Variants in ZNF804A observed in about 807,000 individuals in gnomAD.
ZNF804A encodes the protein zinc finger protein 804A.
ZNF804A carries 2 observed loss-of-function variants against 16.5 expected under a neutral mutation model. The ratio of observed to expected loss-of-function variants is 0.12; its 90% CI spans 0.05 to 0.38. The LOEUF (loss-of-function observed/expected upper bound fraction) is 0.38, where lower values mean the gene tolerates loss of function less well. ZNF804A is among the 10% of genes least tolerant of loss of function. The pLI is 0.99. For missense variants in ZNF804A, 1,473 were observed against 1,390.7 expected (o/e 1.06, Z -0.94); for synonymous variants, 534 against 489.6 (o/e 1.09, Z -1.20).
intron 1 of ZNF804A, among the ~76,000 whole-genome samples, chr2:184,670,039 A>G (rs1172492130): frequency 1.3e-5 from 2 of 152,142 alleles, no homozygotes; most frequent in Admixed American, 6.5e-5. Context: ...ATGATAGCTT[A>G]GCAGTGTTAA....
chr2:184,817,758 C>T (rs1346458589), intron 1 of ZNF804A, among the ~76,000 whole-genome samples: 1 of 151,978 alleles, frequency 6.6e-6, no homozygotes, highest in African/African-American at 2.4e-5. Flanking sequence ...ATTCACAATA[C>T]AGTCACAGGT....
intron 1 of ZNF804A, among the ~76,000 whole-genome samples, chr2:184,749,680 A>T (rs1465352666): frequency 6.6e-6 from 1 of 151,258 alleles, no homozygotes; most frequent in Non-Finnish European, 1.5e-5. Flanking sequence ...ATGATTCATT[A>T]TTTATTTTTG....
At chr2:184,862,914 T>C (rs1174831732) in intron 1 of ZNF804A, among the ~76,000 whole-genome samples, 2 of 152,152 alleles carry the variant, frequency 1.3e-5, no homozygotes, top group East Asian at 3.9e-4. Flanking sequence ...TCTACTGTTT[T>C]TGTTTCTTTG....
intron 1 of ZNF804A, among the ~76,000 whole-genome samples, chr2:184,864,117 T>C (rs765056102): frequency 4.0e-4 from 61 of 152,132 alleles, no homozygotes; most frequent in Non-Finnish European, 7.1e-4. Context: ...ATTTGACTCA[T>C]GGTTCTGCAG....
chr2:184,939,318 C>G lies in ZNF804A; in HGVS notation c.*292C>G. On this transcript the variant is annotated 3_prime_UTR_variant, in exon 4 of 4. Coordinates refer to ENST00000302277, the MANE Select transcript of ZNF804A (RefSeq NM_194250.2). ...ATGTACATAAAATATATTTATAGTACTCTAATTTATGTTGTAAAGTATGCT... is the reference window on the plus strand; with the variant it reads ...ATGTACATAAAATATATTTATAGTAGTCTAATTTATGTTGTAAAGTATGCT... 4.5e-6 allele frequency: 1 copy of G among 222,474 alleles called. No individual in the cohort carries two copies. Among genetic ancestry groups the G allele is most frequent in the Non-Finnish European group, 8.8e-6 (1 of 113,522 alleles). 13.8% of individuals were successfully genotyped at this position (222,474 alleles called of 1,614,324 possible). A position where few individuals can be genotyped will look rare whatever the true frequency, so the allele number is the denominator to read the frequency against.
intron 1 of ZNF804A, among the ~76,000 whole-genome samples, chr2:184,857,684 G>A (rs1365300059): frequency 2.0e-5 from 3 of 151,826 alleles, no homozygotes; most frequent in East Asian, 3.9e-4. Flanking sequence ...TATTGTTATA[G>A]CCTCTACTAA....
At chr2:184,771,882 G>A (rs968933717) in intron 1 of ZNF804A, among the ~76,000 whole-genome samples, 2 of 151,918 alleles carry the variant, frequency 1.3e-5, no homozygotes, top group Admixed American at 1.3e-4. Context: ...TTGCTTTAGC[G>A]ATATAACATA....
At chr2:184,618,393 A>T (rs1691362156) in intron 1 of ZNF804A, among the ~76,000 whole-genome samples, 1 of 152,198 alleles carries the variant, frequency 6.6e-6, no homozygotes, top group South Asian at 2.1e-4. Flanking sequence ...AGTCAATTAG[A>T]TTATATACGC....
intron 2 of ZNF804A, among the ~76,000 whole-genome samples, chr2:184,894,271 A>C (rs1020556943): frequency 2.0e-5 from 3 of 152,156 alleles, no homozygotes; most frequent in African/African-American, 7.2e-5. Flanking sequence ...CATTAAGAAA[A>C]ATCAATACTG....
intron 1 of ZNF804A, among the ~76,000 whole-genome samples, chr2:184,781,055 G>A (rs1694364678): frequency 6.6e-6 from 1 of 151,716 alleles, no homozygotes; most frequent in African/African-American, 2.4e-5. Context: ...GAGAATCTTG[G>A]AAATGTGTGA....
chr2:184,707,858 C>T (rs1476276385), intron 1 of ZNF804A, among the ~76,000 whole-genome samples: 1 of 152,084 alleles, frequency 6.6e-6, no homozygotes, highest in East Asian at 1.9e-4. Flanking sequence ...TTTGAGAAAT[C>T]TCCAAACTGC....
chr2:184,612,455 G>T (rs1466921324), intron 1 of ZNF804A, among the ~76,000 whole-genome samples: 14 of 150,524 alleles, frequency 9.3e-5, no homozygotes. Context: ...TTTTTGGGGG[G>T]GGGACGGAGT....
At chr2:184,653,956 C>G (rs1402188672) in intron 1 of ZNF804A, among the ~76,000 whole-genome samples, 1 of 152,158 alleles carries the variant, frequency 6.6e-6, no homozygotes, top group African/African-American at 2.4e-5. Flanking sequence ...GTGGTAACTG[C>G]CAGACCATCA....
chr2:184,604,085 T>C (rs955028879), intron 1 of ZNF804A, among the ~76,000 whole-genome samples: 1 of 149,920 alleles, frequency 6.7e-6, no homozygotes, highest in Non-Finnish European at 1.5e-5. Context: ...TGAATAGCGA[T>C]ATAATGTCTT....
intron 1 of ZNF804A, among the ~76,000 whole-genome samples, chr2:184,758,818 T>C (rs1044045307): frequency 6.6e-6 from 1 of 151,984 alleles, no homozygotes; most frequent in Non-Finnish European, 1.5e-5. Context: ...AACTTAAAAA[T>C]AGAATTTTAG....
intron 1 of ZNF804A, among the ~76,000 whole-genome samples, chr2:184,637,879 GA>G (rs1255070303): frequency 6.6e-6 from 1 of 152,124 alleles, no homozygotes; most frequent in Non-Finnish European, 1.5e-5. Flanking sequence ...AAAAAATTGA[GA>G]AACTCCTGCT....
At chr2:184,649,040 A>G (rs1223980180) in intron 1 of ZNF804A, among the ~76,000 whole-genome samples, 1 of 152,150 alleles carries the variant, frequency 6.6e-6, no homozygotes, top group Non-Finnish European at 1.5e-5. Context: ...GCCACAAAGC[A>G]AGTCTCAATA....
chr2:184,931,664 G>A (rs371580912), intron 2 of ZNF804A, among the ~76,000 whole-genome samples: 1 of 152,176 alleles, frequency 6.6e-6, no homozygotes, highest in African/African-American at 2.4e-5. Flanking sequence ...ATGCCTCGGA[G>A]ATATTTTTCC....
At chr2:184,806,740 T>C (rs1694811863) in intron 1 of ZNF804A, among the ~76,000 whole-genome samples, 1 of 151,824 alleles carries the variant, frequency 6.6e-6, no homozygotes, top group African/African-American at 2.4e-5. Context: ...AGGATTACTT[T>C]TATTTTTACA....
Sources: gnomAD v4.1 joint callset for allele counts (sites outside exome capture counted in the v4.1 genomes callset) on GRCh38, gnomAD v4.1.1 for gene constraint, MANE v1.5 for transcripts, NCBI Gene and HGNC (gene_info 2026-07-23, HGNC 2026-07-21) for gene names.